LRCH3: variants seen among roughly 807,000 people sequenced by gnomAD.
LRCH3 encodes leucine rich repeats and calponin homology domain containing 3, also known as DISP complex protein LRCH3.
Under a neutral mutation model 104.5 loss-of-function variants are expected in LRCH3, and 68 were observed. The ratio of observed to expected loss-of-function variants is 0.65; its 90% CI spans 0.54 to 0.80. The LOEUF is 0.80. Among genes scored for constraint, LRCH3 ranks in the 30% least tolerant of loss-of-function variants. The pLI is 0.00. For missense variants in LRCH3, 951 were observed against 953.9 expected (o/e 1.00, Z 0.04); for synonymous variants, 344 against 361.3 (o/e 0.95, Z 0.54).
chr3:197,808,112 A>C (rs951804274), intron 1 of LRCH3, among the ~76,000 whole-genome samples: 19 of 152,190 alleles, frequency 1.2e-4, no homozygotes, highest in Admixed American at 3.9e-4. Flanking sequence ...TGGAGGTAGT[A>C]CTTTTAAAGA....
intron 19 of LRCH3, among the ~76,000 whole-genome samples, chr3:197,873,525 C>T (rs1041182193): frequency 6.6e-6 from 1 of 152,056 alleles, no homozygotes; most frequent in African/African-American, 2.4e-5. Context: ...GGAGGATCAC[C>T]TGTGGCTGGG....
At chr3:197,838,122 T>C (rs6784591) in intron 9 of LRCH3, among the ~76,000 whole-genome samples, 37,699 of 151,908 alleles carry the variant, frequency 0.25, 9,126 homozygotes, top group African/African-American at 0.64. Context: ...TTTGTGTTTA[T>C]TGTTTAAAGT....
intron 1 of LRCH3, among the ~76,000 whole-genome samples, chr3:197,809,415 C>T (rs1239072044): frequency 6.6e-6 from 1 of 152,104 alleles, no homozygotes; most frequent in East Asian, 1.9e-4. Flanking sequence ...CTTGAATCTA[C>T]AGGTTCATGA....
intron 1 of LRCH3, among the ~76,000 whole-genome samples, chr3:197,812,759 G>A (rs1733329236): frequency 6.6e-6 from 1 of 151,790 alleles, no homozygotes; most frequent in Non-Finnish European, 1.5e-5. Flanking sequence ...ACGGGGTTTC[G>A]CCATGTTGGC....
At chr3:197,867,453 G>A (rs9850437) in intron 17 of LRCH3, among the ~76,000 whole-genome samples, 51,904 of 151,584 alleles carry the variant, frequency 0.34, 12,214 homozygotes, top group African/African-American at 0.68. Flanking sequence ...GTGGTGGCAC[G>A]TGCCTGTAAT....
At chr3:197,849,600 A>T (rs551550412) in intron 12 of LRCH3, among the ~76,000 whole-genome samples, 24 of 152,260 alleles carry the variant, frequency 1.6e-4, no homozygotes, top group African/African-American at 5.8e-4. Context: ...AAACTTTTTT[A>T]TATAGTTCTC....
intron 20 of LRCH3, among the ~76,000 whole-genome samples, chr3:197,879,385 G>T (rs958159474): frequency 1.3e-5 from 2 of 152,244 alleles, no homozygotes; most frequent in South Asian, 4.1e-4. Flanking sequence ...GGTGGCTCAC[G>T]CCTGTAATCC....
rs373640978 is a variant in LRCH3 at position 197,826,902 on chromosome 3, G to A, written c.665G>A (p.Arg222Gln). The change falls in exon 5 of 21, where the codon CGG (arginine) becomes CAG (glutamine). Residue 222 changes from arginine (R) to glutamine (Q), a missense_variant. By Grantham distance (43) the Arg-to-Gln change is conservative. Transcript: ENST00000425562. Reference sequence around the variant, plus strand: ...GAGCTGGCGGAGTTGCCTTTGATACGGTTAGACTTCTCATGCAATAAAATT... The same window carrying A: ...GAGCTGGCGGAGTTGCCTTTGATACAGTTAGACTTCTCATGCAATAAAATT... ...PEELAELPLIRLDFSCNKITT... is the reference protein window; with the variant it reads ...PEELAELPLIQLDFSCNKITT... The A allele has an allele frequency of 1.8e-5, 29 of 1,613,894 alleles. No homozygotes were observed. The highest frequency in any genetic ancestry group is 5.0e-5 in the Admixed American group (3 of 59,964).
chr3:197,879,540 G>C (rs978024530), intron 20 of LRCH3, among the ~76,000 whole-genome samples: 1 of 151,988 alleles, frequency 6.6e-6, no homozygotes, highest in Admixed American at 6.5e-5. Context: ...CAGCTGCTCG[G>C]GAGGCTGAGG....
At chr3:197,831,652 ATATTT>A (rs1383452092) in intron 7 of LRCH3, among the ~76,000 whole-genome samples, 1 of 152,062 alleles carries the variant, frequency 6.6e-6, no homozygotes, top group Non-Finnish European at 1.5e-5. Flanking sequence ...TGAATCTTTT[ATATTT>A]TTTGAGACAG....
At chr3:197,830,012 C>T (rs1580692943) in intron 6 of LRCH3, among the ~76,000 whole-genome samples, 2 of 152,198 alleles carry the variant, frequency 1.3e-5, no homozygotes, top group African/African-American at 4.8e-5. Flanking sequence ...CACCTTGGGG[C>T]CCTCCAGTTG....
intron 17 of LRCH3, among the ~76,000 whole-genome samples, chr3:197,866,865 C>G (rs1177323770): frequency 6.6e-6 from 1 of 152,142 alleles, no homozygotes; most frequent in Non-Finnish European, 1.5e-5. Flanking sequence ...TAAGGTCAGG[C>G]GTGGTGGCTC....
chr3:197,833,365 G>GAAAAAAAAAAAAAAA lies in LRCH3; in HGVS notation c.1102+1060_1102+1074dup, dbSNP rs71166710. Among the ~76,000 whole-genome samples the GAAAAAAAAAAAAAAA allele has an allele frequency of 1.2e-4, 4 of 33,336 alleles. 2 individuals carry two copies. The highest frequency in any genetic ancestry group is 1.9e-4 in the Non-Finnish European group (4 of 20,716). 21.9% of individuals were successfully genotyped at this position (33,336 alleles called of 152,430 possible). ...TGAAACCCCATCTCTACTAAAAACCGAAAAAAAAAAAAAAAAAAAAAAAAA... is the reference window on the plus strand; with the variant it reads ...TGAAACCCCATCTCTACTAAAAACCGAAAAAAAAAAAAAAAAAAAAAAAAAAAAAAAAAAAAAAAA... On this transcript the variant is annotated intron_variant, in intron 8 of 20. Coordinates refer to ENST00000425562, the MANE Select transcript of LRCH3 (RefSeq NM_001365715.1).
chr3:197,863,767 T>C (rs1483417653), intron 15 of LRCH3, among the ~76,000 whole-genome samples: 1 of 152,226 alleles, frequency 6.6e-6, no homozygotes, highest in Non-Finnish European at 1.5e-5. Flanking sequence ...GTAGAAAATA[T>C]ATCTATCATC....
rs1280393656 is a variant in LRCH3, at chr3:197,847,474, G to A, written c.1380+14G>A. ...AGTCACAATCAGGTAATGTTTAGTA[G>A]TTGTGTTTATTTTTGCTTTTTAAAC... is the stretch of plus-strand genomic sequence containing the variant. On this transcript the variant is annotated intron_variant, in intron 11 of 20. Transcript: ENST00000425562. 1.3e-6 allele frequency: 2 copies of A among 1,574,120 alleles called. No individual in the cohort carries two copies. Among genetic ancestry groups the A allele is most frequent in the Non-Finnish European group, 1.7e-6 (2 of 1,166,602 alleles).
intron 4 of LRCH3, among the ~76,000 whole-genome samples, chr3:197,825,954 C>T (rs1386875140): frequency 2.0e-5 from 3 of 152,002 alleles, no homozygotes; most frequent in Non-Finnish European, 4.4e-5. Context: ...GATTAAAGAC[C>T]TTCTCTTTCT....
intron 1 of LRCH3, among the ~76,000 whole-genome samples, chr3:197,797,883 CAAAAAAAAAA>C (rs1283044363): frequency 2.4e-3 from 201 of 83,230 alleles, no homozygotes; most frequent in African/African-American, 8.0e-3. Flanking sequence ...ACAAAAAAAA[CAAAAAAAAAA>C]ACAAAACCAG....
intron 19 of LRCH3, among the ~76,000 whole-genome samples, chr3:197,872,259 A>G (rs1319516182): frequency 6.7e-6 from 1 of 148,266 alleles, no homozygotes; most frequent in Non-Finnish European, 1.5e-5. Flanking sequence ...CAGGAGGCTG[A>G]TGTGGGAGGA....
chr3:197,861,238 A>C (rs1360651578), intron 15 of LRCH3, among the ~76,000 whole-genome samples: 2 of 152,126 alleles, frequency 1.3e-5, no homozygotes, highest in Admixed American at 1.3e-4. Context: ...AAACTTCATA[A>C]TTCTCTTCCA....
Sources: allele counts gnomAD v4.1 joint callset (sites outside exome capture counted in the v4.1 genomes callset), GRCh38; gene constraint gnomAD v4.1.1; transcripts MANE v1.5; gene names NCBI Gene and HGNC (gene_info 2026-07-23, HGNC 2026-07-21).